SRSF10: variants seen among roughly 807,000 people sequenced by gnomAD.
SRSF10 encodes serine/arginine-rich splicing factor 10.
Under a neutral mutation model 32.6 loss-of-function variants are expected in SRSF10, and 9 were observed. That is an observed-to-expected ratio of 0.28 (90% CI 0.17 to 0.48). The LOEUF (loss-of-function observed/expected upper bound fraction) is 0.48, where lower values mean the gene tolerates loss of function less well. SRSF10 is among the 20% of genes least tolerant of loss of function. SRSF10 has a pLI of 0.99. For synonymous variants in SRSF10, 105 were observed against 112.4 expected, an observed-to-expected ratio of 0.93 and a Z score of 0.42; for missense variants, 201 against 331.8, an observed-to-expected ratio of 0.61 and a Z score of 3.06.
Position 23,966,315 on chromosome 1 carries a change from ATT to A in SRSF10, c.*4825_*4826del, listed in dbSNP as rs1299676108. ...TTAAAAGCTTAAATTCCACTTCCAG[ATT>A]TTTAGTTAATTTTATATGGAAAATT... is the stretch of plus-strand genomic sequence containing the variant. On this transcript the variant is annotated 3_prime_UTR_variant, in exon 6 of 6. Transcript: ENST00000492112. 6.6e-6 allele frequency: 1 copy of A among 151,950 alleles called. No homozygotes were observed. Among genetic ancestry groups the A allele is most frequent in the Admixed American group, 6.6e-5 (1 of 15,256 alleles). The allele number at this position is 151,950 out of a possible 1,614,324, so 9.4% of individuals were successfully genotyped here. A position where few individuals can be genotyped will look rare whatever the true frequency, so the allele number is the denominator to read the frequency against.
At chr1:23,977,345 C>T (rs2148511282) in intron 2 of SRSF10, 1 of 152,298 alleles carries the variant, frequency 6.6e-6, no homozygotes, top group East Asian at 1.9e-4. Flanking sequence ...GACCAGTCTC[C>T]CATAGGTCCC....
Position 23,971,405 on chromosome 1 carries a change from T to C in SRSF10, c.526A>G (p.Lys176Glu). 1 of 1,610,670 alleles carries C rather than the reference T, an allele frequency of 6.2e-7. No individual in the cohort carries two copies. The highest frequency in any genetic ancestry group is 8.5e-7 in the Non-Finnish European group (1 of 1,179,360). ...KHRNRSFSRS[K>E]SNSRSRSKSQ... ...TTGGACCGTGATCTTGAATTGGATT[T>C]AGATCTTGAAAAAGATCGATTTCGG... The change falls in exon 6 of 6, where the codon AAA (lysine) becomes GAA (glutamate). Residue 176 changes from lysine (K) to glutamate (E), a missense_variant. This residue lies in a region of SRSF10 where 159 missense variants were observed against 196.7 expected (regional missense o/e 0.81). Coordinates refer to ENST00000492112, the MANE Select transcript of SRSF10 (RefSeq NM_054016.4).
rs1641754588 is a variant in SRSF10, at chr1:23,971,584, G to A, written c.480C>T (p.Ser160=). The change falls in exon 5 of 6, where the codon TCC becomes TCT. Residue 160 remains serine (S), a synonymous_variant. Transcript: ENST00000492112. ...GCAAAGTTATTTACCTATCATTGTC[G>A]GAATGGCTTCTGCTACGCCGTGGTC... ...TGRPRRSRSH[S]DNDRFKHRNR... The A allele has an allele frequency of 2.3e-5, 37 of 1,610,170 alleles. 1 individual carries two copies. The highest frequency in any genetic ancestry group is 4.4e-4 in the Middle Eastern group (2 of 4,508).
intron 3 of SRSF10, 39 bp from the exon 4 acceptor site, chr1:23,972,051 A>G (rs1377691986): frequency 6.9e-7 from 1 of 1,442,568 alleles, no homozygotes. Context: ...AAAAATATTA[A>G]AAACAGTATT....
At chr1:23,971,541 A>G in intron 5 of SRSF10, 32 bp downstream of exon 5, 1 of 1,601,130 alleles carries the variant, frequency 6.2e-7, no homozygotes, top group Non-Finnish European at 8.5e-7. Context: ...ATTAAAAAAT[A>G]CATGAGTCTT....
intron 3 of SRSF10, among the ~76,000 whole-genome samples, chr1:23,974,437 C>T (rs1040687669): frequency 1.3e-5 from 2 of 152,142 alleles, no homozygotes; most frequent in African/African-American, 4.8e-5. Context: ...ATATTTCAGG[C>T]ATTCTCATCT....
At chr1:23,977,004 G>T (rs112200968) in intron 2 of SRSF10, 1 of 151,936 alleles carries the variant, frequency 6.6e-6, no homozygotes, top group Non-Finnish European at 1.5e-5. Flanking sequence ...TGATTCCTCG[G>T]CCACCCAACA....
Position 23,969,574 on chromosome 1 carries a change from A to C in SRSF10, c.*1568T>G. The C allele has an allele frequency of 2.0e-6, 2 of 985,272 alleles. No individual in the cohort carries two copies. The highest frequency in any genetic ancestry group is 2.4e-6 in the Non-Finnish European group (2 of 829,772). 61.0% of individuals were successfully genotyped at this position (985,272 alleles called of 1,614,324 possible). A position where few individuals can be genotyped will look rare whatever the true frequency, so the allele number is the denominator to read the frequency against. On this transcript the variant is annotated 3_prime_UTR_variant, in exon 6 of 6. Transcript: ENST00000492112. The stretch of plus-strand genomic sequence containing the variant: ...CGAAATTGAAAAAAGTAATCCTCTA[A>C]AAGGAATCGTTTGTCCATAATTCGT...
In SRSF10 at chr1:23,966,182, T is replaced by G. The variant is rs960123146; in HGVS notation, c.*4960A>C. ...AGGATCTGACACTTGCTGTGTGATC[T>G]TGGGCAAGTTCAAACAAAATTTCTA... is the stretch of plus-strand genomic sequence containing the variant. On this transcript the variant is annotated 3_prime_UTR_variant, in exon 6 of 6. Coordinates refer to ENST00000492112, the MANE Select transcript of SRSF10 (RefSeq NM_054016.4). 3.3e-5 allele frequency: 5 copies of G among 151,942 alleles called. No individual in the cohort carries two copies. Among genetic ancestry groups the G allele is most frequent in the African/African-American group, 1.2e-4 (5 of 41,422 alleles). The allele number at this position is 151,942 out of a possible 1,614,324, so 9.4% of individuals were successfully genotyped here.
chr1:23,976,583 A>G (rs1642105512), intron 2 of SRSF10: 1 of 152,224 alleles, frequency 6.6e-6, no homozygotes, highest in Non-Finnish European at 1.5e-5. Context: ...GAATATAATA[A>G]GTATAAAAAG....
chr1:23,974,733 G>A (rs1396934738), intron 3 of SRSF10, among the ~76,000 whole-genome samples: 1 of 151,856 alleles, frequency 6.6e-6, no homozygotes, highest in Non-Finnish European at 1.5e-5. Flanking sequence ...GAAGGTTGAG[G>A]CATAAGAATC....
In SRSF10 at chr1:23,965,532, C is replaced by A. The variant is rs1451199572; in HGVS notation, c.*5610G>T. On this transcript the variant is annotated 3_prime_UTR_variant, in exon 6 of 6. Transcript: ENST00000492112. ...ATTCTACAAAGGACAATTTTCTCAT[C>A]TGTAAAATGGGAATAATACCCATTT... is the stretch of plus-strand genomic sequence containing the variant. 6 of 151,948 alleles carry A rather than the reference C, an allele frequency of 3.9e-5. No homozygotes were observed. Among genetic ancestry groups the A allele is most frequent in the Non-Finnish European group, 4.4e-5 (3 of 67,848 alleles). The allele number at this position is 151,948 out of a possible 1,614,324, so 9.4% of individuals were successfully genotyped here. A position where few individuals can be genotyped will look rare whatever the true frequency, so the allele number is the denominator to read the frequency against.
Position 23,965,895 on chromosome 1 carries a change from C to CTA in SRSF10, c.*5245_*5246dup, listed in dbSNP as rs1641426104. 6.6e-6 allele frequency: 1 copy of CTA among 151,898 alleles called. No homozygotes were observed. The highest frequency in any genetic ancestry group is 1.5e-5 in the Non-Finnish European group (1 of 67,840). The allele number at this position is 151,898 out of a possible 1,614,324, so 9.4% of individuals were successfully genotyped here. On this transcript the variant is annotated 3_prime_UTR_variant, in exon 6 of 6. Coordinates refer to ENST00000492112, the MANE Select transcript of SRSF10 (RefSeq NM_054016.4). ...GAAGGGAGGTAGAGGGCAAAAAAGT[C>CTA]TATAGCCTCTACATATTCTTTTAAA...
chr1:23,968,556 G>A lies in SRSF10; in HGVS notation c.*2586C>T, dbSNP rs1396612026. Among the ~76,000 whole-genome samples the A allele has an allele frequency of 1.3e-5, 2 of 152,052 alleles. No homozygotes were observed. Among genetic ancestry groups the A allele is most frequent in the African/African-American group, 4.8e-5 (2 of 41,414 alleles). On this transcript the variant is annotated 3_prime_UTR_variant, in exon 6 of 6. Transcript: ENST00000492112. ...GAGTTAACACATAGCCTTTTCAAGT[G>A]TCTGGCACATCATGAATACTTAATA...
At position 23,967,585 on chromosome 1, in the gene SRSF10, G is replaced by A. The variant is rs1436431842; in HGVS notation, c.*3557C>T. On this transcript the variant is annotated 3_prime_UTR_variant, in exon 6 of 6. Transcript: ENST00000492112. ...TTTTCAGACCAGAGTCAAAATATTC[G>A]TACAGTATTCATACTGCAGCACCTT... 1.3e-5 allele frequency: 10 copies of A among 765,752 alleles called. No homozygotes were observed. Among genetic ancestry groups the A allele is most frequent in the South Asian group, 3.2e-5 (2 of 63,226 alleles). 47.4% of individuals were successfully genotyped at this position (765,752 alleles called of 1,614,324 possible).
At chr1:23,976,781 C>T (rs141383265) in intron 2 of SRSF10, 8,291 of 152,278 alleles carry the variant, frequency 0.054, 317 homozygotes, top group East Asian at 0.19. Context: ...AGCCGAGTAT[C>T]ACTCTGATGT....
Position 23,964,358 on chromosome 1 carries a change from TAA to T in SRSF10, c.*6782_*6783del, listed in dbSNP as rs1641353826. ...CTTCATACTTTAGGAAAGGTACTGA[TAA>T]AAGTTTTGGTTAGCCTATATAGAGA... On this transcript the variant is annotated 3_prime_UTR_variant, in exon 6 of 6. Coordinates refer to ENST00000492112, the MANE Select transcript of SRSF10 (RefSeq NM_054016.4). Among the ~76,000 whole-genome samples the T allele has an allele frequency of 6.6e-6, 1 of 151,894 alleles. No homozygotes were observed. The highest frequency in any genetic ancestry group is 1.5e-5 in the Non-Finnish European group (1 of 67,864).
At chr1:23,979,054 C>CTTT (rs1220690496) in intron 1 of SRSF10, 59 of 44,884 alleles carry the variant, frequency 1.3e-3, no homozygotes, top group African/African-American at 4.5e-3. Flanking sequence ...GTATATAAGC[C>CTTT]TTGTTTTTTT....
Position 23,967,764 on chromosome 1 carries a change from A to G in SRSF10, c.*3378T>C, listed in dbSNP as rs1001513038. ...GATGTTTGTCAGTTTGGTTTCCTTTATTCTTCTCTGTGGTATACAGGATTT... is the reference window on the plus strand; with the variant it reads ...GATGTTTGTCAGTTTGGTTTCCTTTGTTCTTCTCTGTGGTATACAGGATTT... On this transcript the variant is annotated 3_prime_UTR_variant, in exon 6 of 6. Coordinates refer to ENST00000492112, the MANE Select transcript of SRSF10 (RefSeq NM_054016.4). The G allele has an allele frequency of 5.5e-5, 88 of 1,608,882 alleles. No individual in the cohort carries two copies. The highest frequency in any genetic ancestry group is 4.5e-4 in the Admixed American group (27 of 59,408).
Sources: allele counts gnomAD v4.1 joint callset (sites outside exome capture counted in the v4.1 genomes callset), GRCh38; gene constraint gnomAD v4.1.1; regional missense constraint gnomAD v4.1.1; transcripts MANE v1.5; gene names NCBI Gene and HGNC (gene_info 2026-07-23, HGNC 2026-07-21).